RECQL5: variants seen among roughly 807,000 people sequenced by gnomAD.
RECQL5 encodes ATP-dependent DNA helicase Q5.
A neutral mutation model predicts 103.4 loss-of-function variants in RECQL5; 88 were observed. The ratio of observed to expected loss-of-function variants is 0.85; its 90% CI spans 0.72 to 1.02. RECQL5 has a LOEUF of 1.02. Among genes scored for constraint, RECQL5 ranks in the 50% least tolerant of loss-of-function variants. The pLI, the probability that RECQL5 is intolerant of heterozygous loss-of-function variation, is 0.00. For synonymous variants in RECQL5, 552 were observed against 507.9 expected (o/e 1.09, Z -1.17); for missense variants, 1,232 against 1,284.3 (o/e 0.96, Z 0.62).
chr17:75,664,070 A>G (rs8070760), intron 3 of RECQL5, among the ~76,000 whole-genome samples: 8,024 of 149,138 alleles, frequency 0.054, 812 homozygotes, highest in African/African-American at 0.18. Flanking sequence ...AAAAAAAAAA[A>G]AAAGAAAGAA....
At chr17:75,644,713 C>T (rs2148301159) in intron 8 of RECQL5, among the ~76,000 whole-genome samples, 1 of 151,996 alleles carries the variant, frequency 6.6e-6, no homozygotes, top group East Asian at 1.9e-4. Context: ...CCTGTGATCC[C>T]AGCTACTCAG....
At chr17:75,642,091 A>T (rs2059442024) in intron 8 of RECQL5, among the ~76,000 whole-genome samples, 1 of 152,114 alleles carries the variant, frequency 6.6e-6, no homozygotes, top group Non-Finnish European at 1.5e-5. Context: ...CATTTTAAAG[A>T]CTGGTCTTGC....
At chr17:75,647,807 G>A (rs1247884460) in intron 8 of RECQL5, 14 of 463,060 alleles carry the variant, frequency 3.0e-5, no homozygotes, top group Admixed American at 7.9e-5. Context: ...AGGGTTCCCC[G>A]ACCAGAACCC....
chr17:75,629,613 G>GTTGT, intron 15 of RECQL5, 95 bp downstream of exon 15: 1 of 1,515,690 alleles, frequency 6.6e-7, no homozygotes, highest in South Asian at 1.3e-5. Context: ...CCCTGGTGGG[G>GTTGT]AGCCAGGCCT....
Position 75,630,841 on chromosome 17 carries a change from T to TGGG in RECQL5, c.1586-7_1586-5dup, listed in dbSNP as rs55982817. ...TCTTTCAGGGGACAGTTCTCATCTG[T>TGGG]GGGGGGGGGGGGTGGTCCTTGGTCC... On this transcript the variant is annotated splice_region_variant and splice_polypyrimidine_tract_variant and intron_variant, in intron 11 of 19. Transcript: ENST00000317905. 1,353 of 1,132,290 alleles carry TGGG rather than the reference T, an allele frequency of 1.2e-3. 33 individuals are homozygous for TGGG. In the African/African-American group the frequency reaches 0.025, roughly 21 times the overall value. 70.1% of individuals were successfully genotyped at this position (1,132,290 alleles called of 1,614,324 possible). A position where few individuals can be genotyped will look rare whatever the true frequency, so the allele number is the denominator to read the frequency against.
chr17:75,661,973 G>A (rs911761093), intron 4 of RECQL5, among the ~76,000 whole-genome samples: 3 of 152,204 alleles, frequency 2.0e-5, no homozygotes, highest in African/African-American at 7.2e-5. Context: ...ACCAGCCTGG[G>A]CAACACGGAG....
At chr17:75,633,215 G>A (rs1369912963) in intron 8 of RECQL5, among the ~76,000 whole-genome samples, 1 of 152,256 alleles carries the variant, frequency 6.6e-6, no homozygotes, top group Non-Finnish European at 1.5e-5. Context: ...TGGCATCCGA[G>A]TGGTGTGACC....
At chr17:75,645,313 C>CT (rs1426232207) in intron 8 of RECQL5, among the ~76,000 whole-genome samples, 1 of 152,180 alleles carries the variant, frequency 6.6e-6, no homozygotes, top group Non-Finnish European at 1.5e-5. Context: ...TCTTTCTCCA[C>CT]TCGCTCTGAG....
intron 6 of RECQL5, among the ~76,000 whole-genome samples, chr17:75,659,774 T>C (rs2059675068): frequency 6.6e-6 from 1 of 152,196 alleles, no homozygotes; most frequent in Non-Finnish European, 1.5e-5. Flanking sequence ...TATGCAAACA[T>C]GCTCCGTAAA....
chr17:75,662,775 C>T lies in RECQL5; in HGVS notation c.475G>A (p.Ala159Thr), dbSNP rs771901158. 2.5e-6 allele frequency: 4 copies of T among 1,614,106 alleles called. No individual in the cohort carries two copies. The highest frequency in any genetic ancestry group is 3.3e-4 in the Middle Eastern group (2 of 6,062). ...HLLSYLVVDE[A>T]HCVSQWGHDF... ...TGCCCCCATTGGGAAACACAATGAG[C>T]TTCATCCACCACCAAGTAAGACAGC... The change falls in exon 4 of 20, where the codon GCT (alanine) becomes ACT (threonine). Residue 159 changes from alanine (A) to threonine (T), a missense_variant. Transcript: ENST00000317905.
At chr17:75,666,358 G>C in intron 2 of RECQL5, 70 bp downstream of exon 2, 1 of 1,551,330 alleles carries the variant, frequency 6.4e-7, no homozygotes, top group Admixed American at 1.8e-5. Context: ...GGGTGAGGAG[G>C]AGGGTGTTCT....
intron 7 of RECQL5, among the ~76,000 whole-genome samples, chr17:75,653,823 G>C (rs563953560): frequency 6.6e-6 from 1 of 152,066 alleles, no homozygotes; most frequent in African/African-American, 2.4e-5. Flanking sequence ...GCTTGAACCT[G>C]GGAGATGGAG....
intron 7 of RECQL5, among the ~76,000 whole-genome samples, chr17:75,651,497 G>A (rs1338534987): frequency 6.6e-6 from 1 of 152,140 alleles, no homozygotes; most frequent in Non-Finnish European, 1.5e-5. Context: ...GGCAGCGCAT[G>A]CCTGTAGTCC....
rs1014842583 is a variant in RECQL5 at position 75,655,538 on chromosome 17, G to A, written c.1149+2760C>T. Among the ~76,000 whole-genome samples the A allele has an allele frequency of 2.0e-5, 3 of 151,892 alleles. No individual in the cohort carries two copies. The East Asian group carries it at 5.8e-4, about 29-fold the overall frequency. On this transcript the variant is annotated intron_variant, in intron 7 of 19. Coordinates refer to ENST00000317905, the MANE Select transcript of RECQL5 (RefSeq NM_004259.7). ...GCCACGACGCCCAGCTAATATTTTT[G>A]TATTTTTAATAGAGATGGGGTTTCA...
At chr17:75,627,743 G>C (rs1184375247) in intron 18 of RECQL5, 51 bp from the exon 19 acceptor site, 25 of 1,520,632 alleles carry the variant, frequency 1.6e-5, no homozygotes, top group Non-Finnish European at 2.2e-5. Flanking sequence ...TTGGTGGCCG[G>C]GCGCAGTGGC....
chr17:75,631,809 A>G, intron 8 of RECQL5, 141 bp from the exon 9 acceptor site: 1 of 813,688 alleles, frequency 1.2e-6, no homozygotes, highest in East Asian at 2.7e-5. Context: ...CATCTCATCC[A>G]AGCTGCACCA....
chr17:75,627,116 TCTTC>T lies in RECQL5; in HGVS notation c.*302_*305del. Reference sequence around the variant, plus strand: ...GACTTAGAACTCGGGGAGGGGCCACTCTTCCTTCCCCTTCTTCCAGCAGCAGCTC... The same window carrying T: ...GACTTAGAACTCGGGGAGGGGCCACTCTTCCCCTTCTTCCAGCAGCAGCTC... On this transcript the variant is annotated 3_prime_UTR_variant, in exon 20 of 20. Transcript: ENST00000317905. 1.9e-6 allele frequency: 1 copy of T among 520,160 alleles called. No homozygotes were observed. Among genetic ancestry groups the T allele is most frequent in the South Asian group, 1.5e-5 (1 of 65,054 alleles). The allele number at this position is 520,160 out of a possible 1,614,324, so 32.2% of individuals were successfully genotyped here.
Position 75,651,230 on chromosome 17 carries a change from A to G in RECQL5, c.1185T>C (p.Thr395=). The G allele has an allele frequency of 6.2e-7, 1 of 1,614,248 alleles. No homozygotes were observed. The highest frequency in any genetic ancestry group is 8.5e-7 in the Non-Finnish European group (1 of 1,180,036). The change falls in exon 8 of 20, where the codon ACT becomes ACC. Residue 395 remains threonine (T), a synonymous_variant. Transcript: ENST00000317905. Reference sequence around the variant, plus strand: ...TCACCAGGGCATCAAAGGCCATGATAGTGGCTTTATCAGATGCTTTGTTTC... The same window carrying G: ...TCACCAGGGCATCAAAGGCCATGATGGTGGCTTTATCAGATGCTTTGTTTC... ...KRGNKASDKA[T]IMAFDALVTF... is the part of the protein sequence containing the mutation.
In RECQL5 at chr17:75,630,847, G is replaced by GC. The variant is rs199630828; in HGVS notation, c.1586-11_1586-10insG. 3,149 of 1,458,004 alleles carry GC rather than the reference G, an allele frequency of 2.2e-3. 145 individuals are homozygous for GC. The African/African-American group carries it at 0.034, about 16-fold the overall frequency. 90.3% of individuals were successfully genotyped at this position (1,458,004 alleles called of 1,614,324 possible). ...AGGGGACAGTTCTCATCTGTGGGGG[G>GC]GGGGGGTGGTCCTTGGTCCTTTCGC... On this transcript the variant is annotated splice_polypyrimidine_tract_variant and intron_variant, in intron 11 of 19. Transcript: ENST00000317905.
Sources: allele counts gnomAD v4.1 joint callset (sites outside exome capture counted in the v4.1 genomes callset), GRCh38; gene constraint gnomAD v4.1.1; transcripts MANE v1.5; gene names NCBI Gene and HGNC (gene_info 2026-07-23, HGNC 2026-07-21).